CSDE1: variants seen among roughly 807,000 people sequenced by gnomAD.
CSDE1 encodes cold shock domain containing E1.
A neutral mutation model predicts 89.3 loss-of-function variants in CSDE1; 17 were observed. The observed-to-expected ratio is 0.19, with a 90% CI of 0.13 to 0.29. The LOEUF (loss-of-function observed/expected upper bound fraction) is 0.29, where lower values mean the gene tolerates loss of function less well. CSDE1 is among the 10% of genes least tolerant of loss of function. The probability of loss-of-function intolerance (pLI) is 1.00; values close to 1 mark genes in which losing one functional copy is unlikely to be tolerated. For missense variants in CSDE1, 672 were observed against 984.2 expected, an observed-to-expected ratio of 0.68 and a Z score of 4.24; for synonymous variants, 322 against 332.8, an observed-to-expected ratio of 0.97 and a Z score of 0.35.
intron 19 of CSDE1, 116 bp from the exon 20 acceptor site, chr1:114,718,332 C>T (rs1032119977): frequency 8.9e-6 from 11 of 1,238,786 alleles, no homozygotes; most frequent in African/African-American, 4.5e-5. Context: ...TCATCTTATG[C>T]AGTACTAATT....
chr1:114,718,142 G>A lies in CSDE1; in HGVS notation c.*27C>T. 1 of 1,613,368 alleles carries A rather than the reference G, an allele frequency of 6.2e-7. No individual in the cohort carries two copies. The highest frequency in any genetic ancestry group is 1.1e-5 in the South Asian group (1 of 91,048). Reference sequence around the variant, plus strand: ...GATTCCCCCCAACTTGATCATAGTGGATTAATGGTGTGCTTTGTGGATGTG... The same window carrying A: ...GATTCCCCCCAACTTGATCATAGTGAATTAATGGTGTGCTTTGTGGATGTG... On this transcript the variant is annotated 3_prime_UTR_variant, in exon 20 of 20. Coordinates refer to ENST00000358528, the MANE Select transcript of CSDE1 (RefSeq NM_001007553.3).
intron 18 of CSDE1, 112 bp from the exon 19 acceptor site, chr1:114,718,857 G>C (rs1348209277): frequency 8.4e-7 from 1 of 1,184,752 alleles, no homozygotes; most frequent in East Asian, 2.4e-5. Context: ...TTTTTATGAT[G>C]GGACTCTTGC....
intron 13 of CSDE1, 30 bp from the exon 14 acceptor site, chr1:114,726,416 CA>C: frequency 6.4e-7 from 1 of 1,571,328 alleles, no homozygotes; most frequent in Admixed American, 1.8e-5. Context: ...TCATTAACAC[CA>C]TATCACTTCC....
rs560732617 is a variant in CSDE1, at chr1:114,757,384, C to CA, written c.-388+540dup. On this transcript the variant is annotated intron_variant, in intron 1 of 19. Coordinates refer to ENST00000358528, the MANE Select transcript of CSDE1 (RefSeq NM_001007553.3). Reference sequence around the variant, plus strand: ...CGCACTGCGCTCTGGTACTGGTAGTCAGATTCCCAAGCAGGTAACGGCCAG... The same window carrying CA: ...CGCACTGCGCTCTGGTACTGGTAGTCAAGATTCCCAAGCAGGTAACGGCCAG... 1.5e-3 allele frequency among the ~76,000 whole-genome samples: 223 copies of CA among 152,238 alleles called. 2 individuals carry two copies. Among genetic ancestry groups the CA allele is most frequent in the African/African-American group, 5.1e-3 (211 of 41,536 alleles).
In CSDE1 at chr1:114,718,046, A is replaced by C. The variant is rs1245493445; in HGVS notation, c.*123T>G. On this transcript the variant is annotated 3_prime_UTR_variant, in exon 20 of 20. Coordinates refer to ENST00000358528, the MANE Select transcript of CSDE1 (RefSeq NM_001007553.3). The stretch of plus-strand genomic sequence containing the variant: ...ACGAGGAAGGTGTTAAAACTGGTGT[A>C]ATAGCTCAATAGAATAAGTATTCCA... 4.3e-6 allele frequency: 4 copies of C among 925,178 alleles called. No individual in the cohort carries two copies. Among genetic ancestry groups the C allele is most frequent in the Non-Finnish European group, 5.2e-6 (3 of 576,402 alleles). 57.3% of individuals were successfully genotyped at this position (925,178 alleles called of 1,614,324 possible). A position where few individuals can be genotyped will look rare whatever the true frequency, so the allele number is the denominator to read the frequency against.
At chr1:114,726,642 T>A (rs1659815269) in intron 13 of CSDE1, among the ~76,000 whole-genome samples, 1 of 152,210 alleles carries the variant, frequency 6.6e-6, no homozygotes. Flanking sequence ...AAACCAAACA[T>A]ATTAAGTATG....
chr1:114,725,463 T>G, intron 14 of CSDE1, 130 bp from the exon 15 acceptor site: 1 of 715,298 alleles, frequency 1.4e-6, no homozygotes, highest in Non-Finnish European at 2.5e-6. Context: ...TTAAGTAATT[T>G]CTATGTATTG....
chr1:114,717,929 T>C lies in CSDE1; in HGVS notation c.*240A>G. 2.1e-6 allele frequency: 1 copy of C among 477,194 alleles called. No individual in the cohort carries two copies. Among genetic ancestry groups the C allele is most frequent in the East Asian group, 3.3e-5 (1 of 30,344 alleles). 29.6% of individuals were successfully genotyped at this position (477,194 alleles called of 1,614,324 possible). A position where few individuals can be genotyped will look rare whatever the true frequency, so the allele number is the denominator to read the frequency against. On this transcript the variant is annotated 3_prime_UTR_variant, in exon 20 of 20. Coordinates refer to ENST00000358528, the MANE Select transcript of CSDE1 (RefSeq NM_001007553.3). ...CACCAAATAAAGCTCCTAAAATTGA[T>C]ACTATAAGGCGCCACCTTAAGTTTT... is the stretch of plus-strand genomic sequence containing the variant.
intron 2 of CSDE1, chr1:114,741,650 A>T (rs1660732230): frequency 1.9e-6 from 3 of 1,545,544 alleles, no homozygotes; most frequent in Admixed American, 3.9e-5. Context: ...ATGACACAGT[A>T]AAAACGTTCT....
In CSDE1 at chr1:114,719,608, C is replaced by T. The variant is rs1659398726; in HGVS notation, c.2187G>A (p.Lys729=). 2.5e-6 allele frequency: 4 copies of T among 1,613,872 alleles called. No individual in the cohort carries two copies. Among genetic ancestry groups the T allele is most frequent in the Middle Eastern group, 1.6e-4 (1 of 6,082 alleles). Residue 729 remains lysine, a synonymous_variant, in exon 18 of 20, where the codon AAG becomes AAA. Coordinates refer to ENST00000358528, the MANE Select transcript of CSDE1 (RefSeq NM_001007553.3). ...FSVILNQRTG[K]CSACNVWRVC... ...CTCGCCAAACATTACAGGCGCTGCA[C>T]TTGCCAGTGCGCTGATTAAGAATCA...
rs11102833 is a variant in CSDE1, at chr1:114,736,684, T to G, written c.500+74A>C. 1.0e-3 allele frequency: 872 copies of G among 863,292 alleles called. 6 individuals carry two copies. The African/African-American group carries it at 0.013, about 13-fold the overall frequency. 53.5% of individuals were successfully genotyped at this position (863,292 alleles called of 1,614,324 possible). On this transcript the variant is annotated intron_variant, in intron 6 of 19. Transcript: ENST00000358528. ...CAGACTTACAAGTTAGGTTTTTAAC[T>G]CTATTCAAATTTCTTAATGGAGGGG...
In CSDE1 at chr1:114,718,191, CG is replaced by C. The variant is rs1311412281; in HGVS notation, c.2374del (p.Arg792ValfsTer16). On this transcript the variant is annotated frameshift_variant, in exon 20 of 20. Transcript: ENST00000358528. LOFTEE classifies it high-confidence loss of function. ...SMGFGAERKI[R>X]QAGVID is the part of the protein sequence containing the mutation. ...TGGTTAGTCAATGACACCAGCTTGA[CG>C]GATCTTTCTTTCTGCACCAAACCCC... is the stretch of plus-strand genomic sequence containing the variant. The C allele has an allele frequency of 2.5e-6, 4 of 1,613,638 alleles. No individual in the cohort carries two copies. The African/African-American group carries it at 5.3e-5, about 22-fold the overall frequency.
chr1:114,742,842 G>T (rs1660804953), intron 2 of CSDE1, among the ~76,000 whole-genome samples: 1 of 152,120 alleles, frequency 6.6e-6, no homozygotes, highest in African/African-American at 2.4e-5. Flanking sequence ...ACTAATTCAT[G>T]ATATTATAAA....
chr1:114,730,275 T>C lies in CSDE1; in HGVS notation c.1339A>G (p.Asn447Asp), dbSNP rs1158368681. 3.1e-6 allele frequency: 5 copies of C among 1,612,600 alleles called. No individual in the cohort carries two copies. The Admixed American group carries it at 6.7e-5, about 22-fold the overall frequency. Reference sequence around the variant, plus strand: ...AAACCTACCTTCTCTTTGCCTTTATTTGGGCTAGTGGTTTTAGGATTGGAA... The same window carrying C: ...AAACCTACCTTCTCTTTGCCTTTATCTGGGCTAGTGGTTTTAGGATTGGAA... ...TFSNPKTTSP[N>D]KGKEKEAEDG... Residue 447 changes from asparagine (N) to aspartate (D), a missense_variant, in exon 12 of 20, where the codon AAT becomes GAT. Coordinates refer to ENST00000358528, the MANE Select transcript of CSDE1 (RefSeq NM_001007553.3).
intron 2 of CSDE1, 157 bp from the exon 3 acceptor site, chr1:114,740,047 C>A: frequency 1.8e-6 from 1 of 564,624 alleles, no homozygotes; most frequent in Non-Finnish European, 3.1e-6. Context: ...ATTAATTTAG[C>A]TAATAAAACA....
chr1:114,742,888 C>T (rs1417634209), intron 2 of CSDE1, among the ~76,000 whole-genome samples: 1 of 152,126 alleles, frequency 6.6e-6, no homozygotes, highest in Non-Finnish European at 1.5e-5. Context: ...ACCAGCAATC[C>T]AGAACATAGT....
At chr1:114,736,028 A>G (rs943322002) in intron 6 of CSDE1, among the ~76,000 whole-genome samples, 1 of 152,212 alleles carries the variant, frequency 6.6e-6, no homozygotes, top group East Asian at 1.9e-4. Flanking sequence ...CATTCTCCTT[A>G]TGTCTCCTTA....
At chr1:114,720,760 A>G (rs1162224880) in intron 16 of CSDE1, 43 bp from the exon 17 acceptor site, 2 of 1,577,452 alleles carry the variant, frequency 1.3e-6, no homozygotes, top group Non-Finnish European at 1.7e-6. Flanking sequence ...ATTTCACAAC[A>G]GTCCTCTGCT....
chr1:114,745,026 A>AT (rs1412335965), intron 2 of CSDE1, among the ~76,000 whole-genome samples: 1 of 151,740 alleles, frequency 6.6e-6, no homozygotes, highest in Non-Finnish European at 1.5e-5. Context: ...AATTTTTGCA[A>AT]TAAAAAATCC....
Sources: allele counts gnomAD v4.1 joint callset (sites outside exome capture counted in the v4.1 genomes callset), GRCh38; gene constraint gnomAD v4.1.1; transcripts MANE v1.5; gene names NCBI Gene and HGNC (gene_info 2026-07-23, HGNC 2026-07-21).